DLGAP1: variants seen among roughly 807,000 people sequenced by gnomAD.
DLGAP1 encodes disks large-associated protein 1.
In DLGAP1, 11 loss-of-function variants were observed where a neutral mutation model predicts 90.8. The ratio of observed to expected loss-of-function variants is 0.12; its 90% confidence interval spans 0.08 to 0.20. The LOEUF (loss-of-function observed/expected upper bound fraction) is 0.20. Among genes scored for constraint, DLGAP1 ranks in the 10% least tolerant of loss-of-function variants. DLGAP1 has a pLI of 1.00. For synonymous variants in DLGAP1, 558 were observed against 540.7 expected, an observed-to-expected ratio of 1.03 and a Z score of -0.44; for missense variants, 1,050 against 1,333.8, an observed-to-expected ratio of 0.79 and a Z score of 3.31.
intron 1 of DLGAP1, among the ~76,000 whole-genome samples, chr18:4,242,825 G>C (rs2078570564): frequency 6.6e-6 from 1 of 152,100 alleles, no homozygotes; most frequent in South Asian, 2.1e-4. Flanking sequence ...GTGAGGGCTA[G>C]ATCACACACA....
intron 1 of DLGAP1, among the ~76,000 whole-genome samples, chr18:4,444,232 C>T (rs199912436): frequency 1.2e-4 from 18 of 145,432 alleles, no homozygotes; most frequent in Admixed American, 9.7e-4. Flanking sequence ...TCATTTTTTT[C>T]CCCATATCCC....
At chr18:4,317,988 C>T (rs1402403695) in intron 1 of DLGAP1, among the ~76,000 whole-genome samples, 1 of 152,114 alleles carries the variant, frequency 6.6e-6, no homozygotes, top group African/African-American at 2.4e-5. Context: ...GCTGGGATTA[C>T]AGGCGCGTAC....
At chr18:4,263,963 T>C (rs183184070) in intron 1 of DLGAP1, among the ~76,000 whole-genome samples, 1 of 152,340 alleles carries the variant, frequency 6.6e-6, no homozygotes, top group African/African-American at 2.4e-5. Context: ...CAAATAGTCT[T>C]TCTGAAGTCA....
At chr18:3,838,736 T>C (rs1004673120) in intron 4 of DLGAP1, among the ~76,000 whole-genome samples, 3 of 152,274 alleles carry the variant, frequency 2.0e-5, no homozygotes, top group African/African-American at 7.2e-5. Flanking sequence ...TGCATCCATT[T>C]ATAAATTTTG....
At chr18:3,897,717 A>G (rs1175404623) in intron 3 of DLGAP1, among the ~76,000 whole-genome samples, 3 of 151,562 alleles carry the variant, frequency 2.0e-5, no homozygotes, top group Non-Finnish European at 4.4e-5. Flanking sequence ...ATTTGCACTC[A>G]TTACAGGTTG....
intron 1 of DLGAP1, among the ~76,000 whole-genome samples, chr18:4,323,734 A>G (rs2085308659): frequency 6.6e-6 from 1 of 152,160 alleles, no homozygotes; most frequent in Admixed American, 6.5e-5. Context: ...TCAAACCATA[A>G]AATTACATGG....
Position 4,051,778 on chromosome 18 carries a change from C to T in DLGAP1, c.-158-46577G>A, listed in dbSNP as rs537519121. ...TCTAGACAATGCAAGTCCCTTCTGC[C>T]CATGAGACTGTAAAATCAAAAGCAA... is the stretch of plus-strand genomic sequence containing the variant. On this transcript the variant is annotated intron_variant, in intron 2 of 12. Coordinates refer to ENST00000315677, the MANE Select transcript of DLGAP1 (RefSeq NM_004746.4). 5.9e-5 allele frequency among the ~76,000 whole-genome samples: 9 copies of T among 152,226 alleles called. No individual in the cohort carries two copies. The South Asian group carries it at 1.9e-3, about 32-fold the overall frequency.
intron 1 of DLGAP1, among the ~76,000 whole-genome samples, chr18:4,323,324 G>A (rs1015143764): frequency 6.6e-6 from 1 of 152,118 alleles, no homozygotes; most frequent in Non-Finnish European, 1.5e-5. Flanking sequence ...GGAAACCCTT[G>A]TACACCATTA....
At chr18:3,585,718 A>G (rs964302793) in intron 7 of DLGAP1, among the ~76,000 whole-genome samples, 2 of 152,166 alleles carry the variant, frequency 1.3e-5, no homozygotes, top group African/African-American at 4.8e-5. Context: ...CTATGGTGGG[A>G]GGACTGCTTG....
intron 4 of DLGAP1, among the ~76,000 whole-genome samples, chr18:3,866,212 T>C (rs977825685): frequency 6.6e-6 from 1 of 152,036 alleles, no homozygotes; most frequent in African/African-American, 2.4e-5. Flanking sequence ...GGCTGCAGTC[T>C]GGACTGCTGC....
At position 3,725,290 on chromosome 18, in the gene DLGAP1, A is replaced by G. The variant is rs1387515951; in HGVS notation, c.1591+3845T>C. Among the ~76,000 whole-genome samples the G allele has an allele frequency of 7.2e-5, 11 of 152,198 alleles. 1 individual carries two copies. Among genetic ancestry groups the G allele is most frequent in the Admixed American group, 7.2e-4 (11 of 15,274 alleles). ...ACCAGATACAAGTCTGCCTAGCTAC[A>G]ATGTGATAATGCCTTTTGATAGGTC... On this transcript the variant is annotated intron_variant, in intron 7 of 12. Transcript: ENST00000315677.
At chr18:3,621,232 A>G (rs1271749260) in intron 7 of DLGAP1, among the ~76,000 whole-genome samples, 1 of 152,166 alleles carries the variant, frequency 6.6e-6, no homozygotes, top group African/African-American at 2.4e-5. Flanking sequence ...GGCTTGACAT[A>G]TAAGGATCCT....
intron 7 of DLGAP1, among the ~76,000 whole-genome samples, chr18:3,645,760 T>A (rs75556007): frequency 6.6e-6 from 1 of 152,354 alleles, no homozygotes; most frequent in East Asian, 1.9e-4. Context: ...CTTCTCTAGA[T>A]AGAAGAACCA....
In DLGAP1 at chr18:3,908,675, C is replaced by T. The variant is rs148647992; in HGVS notation, c.-72-28535G>A. Among the ~76,000 whole-genome samples the T allele has an allele frequency of 4.3e-4, 65 of 152,274 alleles. No individual in the cohort carries two copies. In the East Asian group the frequency reaches 0.012, roughly 28 times the overall value. ...GTGAAATAAACCATTTAGGCTAACTCACAAATATACTTTTTCTCCATAAGA... is the reference window on the plus strand; with the variant it reads ...GTGAAATAAACCATTTAGGCTAACTTACAAATATACTTTTTCTCCATAAGA... On this transcript the variant is annotated intron_variant, in intron 3 of 12. Transcript: ENST00000315677.
chr18:3,534,647 G>C, intron 9 of DLGAP1, 32 bp from the exon 10 acceptor site: 1 of 1,490,202 alleles, frequency 6.7e-7, no homozygotes. Flanking sequence ...AATTTAGTTA[G>C]AGGATATTTC....
chr18:4,367,211 C>T (rs2081795114), intron 1 of DLGAP1, among the ~76,000 whole-genome samples: 1 of 150,674 alleles, frequency 6.6e-6, no homozygotes, highest in Admixed American at 6.7e-5. Context: ...AAAGTAGCAA[C>T]ATAGATGCAT....
intron 1 of DLGAP1, among the ~76,000 whole-genome samples, chr18:4,299,214 C>G (rs2080065252): frequency 6.6e-6 from 1 of 152,028 alleles, no homozygotes; most frequent in African/African-American, 2.4e-5. Context: ...AATTCCAGTG[C>G]ACACCAAGAT....
At chr18:3,602,057 A>G (rs1180195035) in intron 7 of DLGAP1, among the ~76,000 whole-genome samples, 1 of 149,254 alleles carries the variant, frequency 6.7e-6, no homozygotes, top group African/African-American at 2.6e-5. Context: ...ACCTTGGCCC[A>G]CTATAATTTT....
At chr18:4,036,802 G>GA (rs1290957700) in intron 2 of DLGAP1, among the ~76,000 whole-genome samples, 10 of 151,524 alleles carry the variant, frequency 6.6e-5, no homozygotes, top group African/African-American at 1.9e-4. Context: ...GAATGATGAA[G>GA]AAAAAAAAGT....
Sources: allele counts gnomAD v4.1 joint callset (sites outside exome capture counted in the v4.1 genomes callset), GRCh38; gene constraint gnomAD v4.1.1; transcripts MANE v1.5; gene names NCBI Gene and HGNC (gene_info 2026-07-23, HGNC 2026-07-21).